IZUMO2: variants seen among roughly 807,000 people sequenced by gnomAD.
The protein encoded by IZUMO2 is IZUMO family member 2.
A neutral mutation model predicts 31.2 loss-of-function variants in IZUMO2; 24 were observed. The ratio of observed to expected loss-of-function variants is 0.77; its 90% confidence interval spans 0.56 to 1.08. The LOEUF is 1.08. Among genes scored for constraint, IZUMO2 ranks in the 50% least tolerant of loss-of-function variants. IZUMO2 has a pLI of 0.00. For synonymous variants in IZUMO2, 144 were observed against 117.3 expected (o/e 1.23, Z -1.47); for missense variants, 278 against 274.0 (o/e 1.01, Z -0.10).
At chr19:50,161,699 T>G (rs966533634) in intron 2 of IZUMO2, among the ~76,000 whole-genome samples, 2 of 152,096 alleles carry the variant, frequency 1.3e-5, no homozygotes, top group African/African-American at 4.8e-5. Flanking sequence ...CCCCTTCAGG[T>G]CTTTTCTCAC....
intron 5 of IZUMO2, 109 bp from the exon 6 acceptor site, chr19:50,154,835 C>T (rs926634109): frequency 2.1e-5 from 27 of 1,264,722 alleles, no homozygotes; most frequent in Middle Eastern, 5.4e-4. Flanking sequence ...GGGGGTGGGG[C>T]GCTCTCTCTT....
At chr19:50,156,402 G>C (rs1310608678) in intron 5 of IZUMO2, among the ~76,000 whole-genome samples, 2 of 151,990 alleles carry the variant, frequency 1.3e-5, no homozygotes, top group African/African-American at 4.8e-5. Flanking sequence ...CTAACCTCTG[G>C]CCCCATTAAA....
intron 2 of IZUMO2, among the ~76,000 whole-genome samples, chr19:50,161,510 C>T (rs2030400266): frequency 1.3e-5 from 2 of 152,118 alleles, no homozygotes; most frequent in African/African-American, 2.4e-5. Flanking sequence ...ATACCCATTC[C>T]CTCCCCTTAA....
At chr19:50,153,477 C>A (rs143339612) in intron 6 of IZUMO2, among the ~76,000 whole-genome samples, 2 of 152,142 alleles carry the variant, frequency 1.3e-5, no homozygotes, top group Non-Finnish European at 2.9e-5. Flanking sequence ...GTAGCCTGCA[C>A]GGAGCACTCC....
chr19:50,159,415 T>A, intron 3 of IZUMO2, 79 bp downstream of exon 3: 1 of 1,272,860 alleles, frequency 7.9e-7, no homozygotes, highest in South Asian at 1.2e-5. Flanking sequence ...AAGAAGGAGT[T>A]TGGGAGAAAA....
intron 5 of IZUMO2, among the ~76,000 whole-genome samples, chr19:50,156,647 G>A (rs944793987): frequency 1.5e-4 from 23 of 151,480 alleles, no homozygotes; most frequent in Admixed American, 9.2e-4. Flanking sequence ...GTTCTAGGCC[G>A]GGTGCAGTGA....
chr19:50,158,506 C>A (rs1304162998), intron 4 of IZUMO2, among the ~76,000 whole-genome samples, 158 bp from the exon 5 acceptor site: 1 of 152,202 alleles, frequency 6.6e-6, no homozygotes, highest in Non-Finnish European at 1.5e-5. Flanking sequence ...AATGCACTGA[C>A]AATTCACATA....
At chr19:50,155,300 A>C (rs2030175937) in intron 5 of IZUMO2, among the ~76,000 whole-genome samples, 1 of 152,272 alleles carries the variant, frequency 6.6e-6, no homozygotes, top group East Asian at 1.9e-4. Flanking sequence ...CAGGAGGCTG[A>C]GGTGGGAGGA....
chr19:50,158,925 C>T (rs1195546935), intron 4 of IZUMO2, among the ~76,000 whole-genome samples: 1 of 152,188 alleles, frequency 6.6e-6, no homozygotes, highest in Non-Finnish European at 1.5e-5. Context: ...TGCCACTCAA[C>T]TGTCAATGAA....
intron 2 of IZUMO2, chr19:50,160,205 A>G (rs969428135): frequency 6.6e-6 from 1 of 152,664 alleles, no homozygotes; most frequent in Non-Finnish European, 1.5e-5. Context: ...ATGGCTTTAT[A>G]TATTACCTAG....
At chr19:50,162,716 A>C (rs2030440660) in intron 2 of IZUMO2, 23 bp downstream of exon 2, 1 of 1,594,624 alleles carries the variant, frequency 6.3e-7, no homozygotes, top group Admixed American at 1.7e-5. Flanking sequence ...GTGCTGGAGA[A>C]GGCGTTCCCT....
rs977218823 is a variant in IZUMO2, at chr19:50,152,981, G to A, written c.624-330C>T. ...AAGCAGGTATAGTGGGTTACAGCGTGTCCCCCACCCCAAAGATATATCCAA... is the reference window on the plus strand; with the variant it reads ...AAGCAGGTATAGTGGGTTACAGCGTATCCCCCACCCCAAAGATATATCCAA... On this transcript the variant is annotated intron_variant, in intron 6 of 6. Coordinates refer to ENST00000293405, the MANE Select transcript of IZUMO2 (RefSeq NM_152358.3). Among the ~76,000 whole-genome samples, 5 of 152,264 alleles carry A rather than the reference G, an allele frequency of 3.3e-5. 1 individual carries two copies. The South Asian group carries it at 1.0e-3, about 32-fold the overall frequency.
intron 6 of IZUMO2, among the ~76,000 whole-genome samples, chr19:50,152,918 GA>G (rs2030077561): frequency 6.6e-6 from 1 of 152,112 alleles, no homozygotes; most frequent in Admixed American, 6.6e-5. Flanking sequence ...GACACAGGCA[GA>G]AATGGAGAGA....
rs187557845 is a variant in IZUMO2, at chr19:50,155,634, C to G, written c.497-908G>C. On this transcript the variant is annotated intron_variant, in intron 5 of 6. Transcript: ENST00000293405. ...CTGTAGGCAGAATCCAATCCACTTC[C>G]ATGGCTACCAAGCAGGTCCAACCCC... Among the ~76,000 whole-genome samples, 8 of 152,248 alleles carry G rather than the reference C, an allele frequency of 5.3e-5. No homozygotes were observed. In the East Asian group the frequency reaches 1.4e-3, roughly 26 times the overall value.
Position 50,152,669 on chromosome 19 carries a change from G to T in IZUMO2, c.624-18C>A. ...TACAAGCCCTGGTCAGAGAGAAAAA[G>T]CCTGTAGATTAGAATGAGAATTTCA... is the stretch of plus-strand genomic sequence containing the variant. On this transcript the variant is annotated intron_variant, in intron 6 of 6. Coordinates refer to ENST00000293405, the MANE Select transcript of IZUMO2 (RefSeq NM_152358.3). 1 of 1,605,560 alleles carries T rather than the reference G, an allele frequency of 6.2e-7. No individual in the cohort carries two copies. The highest frequency in any genetic ancestry group is 8.5e-7 in the Non-Finnish European group (1 of 1,172,300).
Position 50,159,267 on chromosome 19 carries a change from C to T in IZUMO2, c.395-17G>A. ...GGTTGCAGGCTGCAAGAGAAAATTG[C>T]TGAGGTGAGTTAAATTGGGATGGCA... On this transcript the variant is annotated splice_polypyrimidine_tract_variant and intron_variant, in intron 3 of 6. Coordinates refer to ENST00000293405, the MANE Select transcript of IZUMO2 (RefSeq NM_152358.3). 1.2e-6 allele frequency: 2 copies of T among 1,609,948 alleles called. No individual in the cohort carries two copies. Among genetic ancestry groups the T allele is most frequent in the African/African-American group, 2.7e-5 (2 of 74,842 alleles).
chr19:50,159,634 C>T (rs2030331117), intron 2 of IZUMO2, 54 bp from the exon 3 acceptor site: 1 of 1,046,338 alleles, frequency 9.6e-7, no homozygotes, highest in Admixed American at 1.9e-5. Flanking sequence ...AAGCCCACCC[C>T]ACTACCTGAA....
intron 2 of IZUMO2, among the ~76,000 whole-genome samples, chr19:50,162,413 G>C (rs2123066835): frequency 6.6e-6 from 1 of 152,286 alleles, no homozygotes; most frequent in South Asian, 2.1e-4. Context: ...TTTGAGACCA[G>C]CCTGGGCAAT....
At chr19:50,152,816 A>G (rs1399615803) in intron 6 of IZUMO2, among the ~76,000 whole-genome samples, 165 bp from the exon 7 acceptor site, 1 of 152,130 alleles carries the variant, frequency 6.6e-6, no homozygotes, top group African/African-American at 2.4e-5. Context: ...GTTCTCTGCC[A>G]ACCGGAGTTG....
Sources: allele counts gnomAD v4.1 joint callset (sites outside exome capture counted in the v4.1 genomes callset), GRCh38; gene constraint gnomAD v4.1.1; transcripts MANE v1.5; gene names NCBI Gene and HGNC (gene_info 2026-07-23, HGNC 2026-07-21).